Variants in ZMYND11 observed in about 807,000 individuals in gnomAD.
ZMYND11 encodes zinc finger MYND domain-containing protein 11.
ZMYND11 carries 9 observed loss-of-function variants against 84.9 expected under a neutral mutation model. That is an observed-to-expected ratio of 0.11 (90% CI 0.06 to 0.18). The LOEUF is 0.18. ZMYND11 is among the 10% of genes least tolerant of loss of function. The pLI, the probability that ZMYND11 is intolerant of heterozygous loss-of-function variation, is 1.00. For synonymous variants in ZMYND11, 250 were observed against 244.1 expected (o/e 1.02, Z -0.23); for missense variants, 409 against 761.0 (o/e 0.54, Z 5.44).
intron 4 of ZMYND11, among the ~76,000 whole-genome samples, chr10:225,999 C>T (rs1489570577): frequency 3.3e-5 from 5 of 151,924 alleles, no homozygotes; most frequent in African/African-American, 7.3e-5. Flanking sequence ...ACTTGTAGAC[C>T]AAAGAACTGG....
At chr10:190,698 C>G (rs149364729) in intron 2 of ZMYND11, among the ~76,000 whole-genome samples, 3 of 152,282 alleles carry the variant, frequency 2.0e-5, no homozygotes, top group African/African-American at 7.2e-5. Flanking sequence ...CCAGCGTCTC[C>G]CTACTCAGTG....
intron 3 of ZMYND11, among the ~76,000 whole-genome samples, chr10:211,924 C>A (rs766718650): frequency 6.6e-6 from 1 of 152,010 alleles, no homozygotes; most frequent in Non-Finnish European, 1.5e-5. Flanking sequence ...TTGTTGATAC[C>A]TTATTATATA....
chr10:168,369 G>T (rs564219970), intron 1 of ZMYND11, among the ~76,000 whole-genome samples: 4 of 151,918 alleles, frequency 2.6e-5, no homozygotes, highest in African/African-American at 7.3e-5. Flanking sequence ...GTGGTCCCTC[G>T]GGAGGCTGAG....
At chr10:198,594 A>G (rs545496902) in intron 2 of ZMYND11, among the ~76,000 whole-genome samples, 50 of 152,290 alleles carry the variant, frequency 3.3e-4, no homozygotes, top group African/African-American at 1.1e-3. Flanking sequence ...GTGTTATGAA[A>G]ACTAAAATAT....
At chr10:188,488 G>C (rs1201688440) in intron 2 of ZMYND11, among the ~76,000 whole-genome samples, 1 of 151,786 alleles carries the variant, frequency 6.6e-6, no homozygotes, top group Non-Finnish European at 1.5e-5. Flanking sequence ...AGCTACTCAG[G>C]AGGCTGAGGA....
At chr10:151,442 A>G (rs1379567577) in intron 1 of ZMYND11, among the ~76,000 whole-genome samples, 8 of 152,234 alleles carry the variant, frequency 5.3e-5, no homozygotes, top group South Asian at 2.1e-4. Context: ...AGCCAATTCA[A>G]TCAACTGGAA....
intron 9 of ZMYND11, among the ~76,000 whole-genome samples, chr10:241,720 G>T (rs1025896226): frequency 6.0e-5 from 9 of 150,136 alleles, no homozygotes; most frequent in Non-Finnish European, 1.3e-4. Flanking sequence ...ATTCCCAGGG[G>T]TGCTGGAGCT....
At chr10:210,995 CA>C (rs201469622) in intron 3 of ZMYND11, among the ~76,000 whole-genome samples, 1 of 147,864 alleles carries the variant, frequency 6.8e-6, no homozygotes, top group South Asian at 2.2e-4. Context: ...CCCATCTCTA[CA>C]AAAAAAAATA....
intron 10 of ZMYND11, among the ~76,000 whole-genome samples, chr10:244,038 G>C (rs1251121560): frequency 6.6e-6 from 1 of 152,046 alleles, no homozygotes; most frequent in Non-Finnish European, 1.5e-5. Flanking sequence ...GGACTCTTGA[G>C]GACTTTATTT....
Position 231,190 on chromosome 10 carries a change from G to GT in ZMYND11, c.439-5648_439-5647insT, listed in dbSNP as rs528484593. 2.2e-4 allele frequency among the ~76,000 whole-genome samples: 33 copies of GT among 152,334 alleles called. No individual in the cohort carries two copies. In the East Asian group the frequency reaches 6.4e-3, roughly 29 times the overall value. ...CAGAGACCAACCACATGGTCGCAAA[G>GT]CCTAAAATATTTGCTCTCTGGCCCT... On this transcript the variant is annotated intron_variant, in intron 4 of 14. Transcript: ENST00000381604.
intron 2 of ZMYND11, among the ~76,000 whole-genome samples, chr10:182,632 C>T (rs1848119160): frequency 6.6e-6 from 1 of 152,176 alleles, no homozygotes. Context: ...TCAGAGCATC[C>T]TGTACTTCCT....
intron 4 of ZMYND11, among the ~76,000 whole-genome samples, chr10:231,263 A>G (rs1304417379): frequency 6.6e-6 from 1 of 152,230 alleles, no homozygotes; most frequent in Non-Finnish European, 1.5e-5. Context: ...TGTGTAAAGA[A>G]TATACTGAGT....
At chr10:167,156 A>G (rs868963293) in intron 1 of ZMYND11, among the ~76,000 whole-genome samples, 15 of 152,088 alleles carry the variant, frequency 9.9e-5, no homozygotes, top group Admixed American at 6.6e-4. Context: ...GAAATAGGAA[A>G]TGGTGATGGT....
chr10:177,609 A>G (rs890114261), intron 1 of ZMYND11, among the ~76,000 whole-genome samples: 2 of 152,140 alleles, frequency 1.3e-5, no homozygotes, highest in Non-Finnish European at 2.9e-5. Flanking sequence ...TTTACTATTT[A>G]TTATGGTATT....
At chr10:217,834 T>C (rs1946454268) in intron 3 of ZMYND11, among the ~76,000 whole-genome samples, 3 of 152,218 alleles carry the variant, frequency 2.0e-5, no homozygotes, top group African/African-American at 7.2e-5. Context: ...TGCCTGAGAT[T>C]ATACAGCTGC....
intron 9 of ZMYND11, 102 bp from the exon 10 acceptor site, chr10:241,919 T>A: frequency 7.2e-7 from 1 of 1,393,264 alleles, no homozygotes; most frequent in Non-Finnish European, 9.8e-7. Flanking sequence ...GAAAGAAATA[T>A]TTTAGAAATA....
chr10:165,348 C>G (rs1201006339), intron 1 of ZMYND11, among the ~76,000 whole-genome samples: 1 of 152,130 alleles, frequency 6.6e-6, no homozygotes, highest in Non-Finnish European at 1.5e-5. Context: ...GCCTAGGTCA[C>G]TTTCTACCAT....
intron 1 of ZMYND11, among the ~76,000 whole-genome samples, chr10:147,474 T>C (rs782165687): frequency 1.3e-5 from 2 of 152,048 alleles, no homozygotes; most frequent in African/African-American, 4.8e-5. Context: ...CTTTTCAAGC[T>C]TCAAATTTTT....
intron 3 of ZMYND11, among the ~76,000 whole-genome samples, chr10:216,909 G>A (rs968846223): frequency 6.6e-6 from 1 of 151,968 alleles, no homozygotes; most frequent in Non-Finnish European, 1.5e-5. Flanking sequence ...CTGGAAATAT[G>A]TAACCATCAG....
Sources: gnomAD v4.1 joint callset for allele counts (sites outside exome capture counted in the v4.1 genomes callset) on GRCh38, gnomAD v4.1.1 for gene constraint, MANE v1.5 for transcripts, NCBI Gene and HGNC (gene_info 2026-07-23, HGNC 2026-07-21) for gene names.